Variants in HNF4G observed in about 807,000 individuals in gnomAD.
HNF4G encodes the protein hepatocyte nuclear factor 4-gamma.
HNF4G carries 21 observed loss-of-function variants against 50.9 expected under a neutral mutation model. The ratio of observed to expected loss-of-function variants is 0.41; its 90% CI spans 0.29 to 0.59. The LOEUF (loss-of-function observed/expected upper bound fraction) is 0.59, where lower values mean the gene tolerates loss of function less well. HNF4G is among the 20% of genes least tolerant of loss of function. HNF4G has a pLI of 0.26. For missense variants in HNF4G, 527 were observed against 559.4 expected (o/e 0.94, Z 0.58); for synonymous variants, 198 against 185.6 (o/e 1.07, Z -0.54).
At chr8:75,503,679 A>G (rs1273515511) in intron 2 of HNF4G, among the ~76,000 whole-genome samples, 1 of 152,206 alleles carries the variant, frequency 6.6e-6, no homozygotes, top group East Asian at 1.9e-4. Flanking sequence ...GAATTATGAA[A>G]TGATTTTTTG....
At chr8:75,463,583 T>C (rs556281957) in intron 1 of HNF4G, among the ~76,000 whole-genome samples, 1 of 152,206 alleles carries the variant, frequency 6.6e-6, no homozygotes, top group East Asian at 1.9e-4. Context: ...GAAAATAATA[T>C]GGGTAAGCAT....
chr8:75,523,800 G>A (rs954133055), intron 2 of HNF4G, among the ~76,000 whole-genome samples: 1 of 151,766 alleles, frequency 6.6e-6, no homozygotes, highest in Non-Finnish European at 1.5e-5. Context: ...GTAACACACT[G>A]ATTATAACTG....
intron 1 of HNF4G, among the ~76,000 whole-genome samples, chr8:75,450,647 G>T (rs73343035): frequency 0.015 from 2,356 of 152,170 alleles, 67 homozygotes; most frequent in African/African-American, 0.054. Flanking sequence ...AAGTGTAAGG[G>T]GATATCTCAC....
At position 75,487,518 on chromosome 8, in the gene HNF4G, A is replaced by G. The variant is rs144373471; in HGVS notation, c.-143-2571A>G. 4.0e-3 allele frequency among the ~76,000 whole-genome samples: 602 copies of G among 152,222 alleles called. 6 individuals carry two copies. The highest frequency in any genetic ancestry group is 0.014 in the African/African-American group (582 of 41,540). Reference sequence around the variant, plus strand: ...TACTATCCAATCACACTTCTCACATATCCTTTCAAACACTAATTATTTGCC... The same window carrying G: ...TACTATCCAATCACACTTCTCACATGTCCTTTCAAACACTAATTATTTGCC... On this transcript the variant is annotated intron_variant, in intron 1 of 10. Transcript: ENST00000354370.
intron 1 of HNF4G, among the ~76,000 whole-genome samples, chr8:75,431,697 G>A (rs1466332652): frequency 6.6e-6 from 1 of 151,978 alleles, no homozygotes; most frequent in Non-Finnish European, 1.5e-5. Context: ...GGAGGCTGAG[G>A]GGGGTGGATC....
chr8:75,562,296 G>C (rs530744533), intron 9 of HNF4G, among the ~76,000 whole-genome samples: 17 of 151,996 alleles, frequency 1.1e-4, no homozygotes, highest in Non-Finnish European at 2.4e-4. Flanking sequence ...AATAGTATCT[G>C]AAACCAAAAT....
At chr8:75,425,062 CTATTTATT>C (rs71271860) in intron 1 of HNF4G, among the ~76,000 whole-genome samples, 16,706 of 142,552 alleles carry the variant, frequency 0.12, 1,133 homozygotes, top group Non-Finnish European at 0.16. Flanking sequence ...TCAATGCAGC[CTATTTATT>C]TATTTATTTA....
chr8:75,505,687 C>A (rs1319364195), intron 2 of HNF4G, among the ~76,000 whole-genome samples: 21 of 146,138 alleles, frequency 1.4e-4, no homozygotes, highest in South Asian at 4.3e-4. Flanking sequence ...GCAAGATTTC[C>A]AAAAAAAAAA....
At chr8:75,489,470 A>G (rs1812570268) in intron 1 of HNF4G, among the ~76,000 whole-genome samples, 1 of 152,210 alleles carries the variant, frequency 6.6e-6, no homozygotes, top group Non-Finnish European at 1.5e-5. Context: ...GGTGTTGAAG[A>G]GCCAACCTTT....
At chr8:75,549,567 A>G (rs1366952372) in intron 3 of HNF4G, among the ~76,000 whole-genome samples, 2 of 150,500 alleles carry the variant, frequency 1.3e-5, no homozygotes, top group Non-Finnish European at 3.0e-5. Context: ...TTTTTTTCAC[A>G]AAGAAGTTTC....
At chr8:75,430,359 T>C (rs1051414127) in intron 1 of HNF4G, among the ~76,000 whole-genome samples, 1 of 152,126 alleles carries the variant, frequency 6.6e-6, no homozygotes, top group Non-Finnish European at 1.5e-5. Flanking sequence ...AAATTTAGTT[T>C]GGGCTGGCAA....
At chr8:75,413,749 T>C (rs1424568939) in intron 1 of HNF4G, among the ~76,000 whole-genome samples, 1 of 151,896 alleles carries the variant, frequency 6.6e-6, no homozygotes, top group African/African-American at 2.4e-5. Flanking sequence ...CTCAGCTACT[T>C]GGGAGGCTGA....
Position 75,410,997 on chromosome 8 carries a change from T to C in HNF4G, c.-144+2835T>C, listed in dbSNP as rs533194163. On this transcript the variant is annotated intron_variant, in intron 1 of 10. Transcript: ENST00000354370. ...ACTAGGTACTATTGTAGGCAATTTATATGCCTTTTGCTTTTTAGATTCTTA... is the reference window on the plus strand; with the variant it reads ...ACTAGGTACTATTGTAGGCAATTTACATGCCTTTTGCTTTTTAGATTCTTA... Among the ~76,000 whole-genome samples, 276 of 152,378 alleles carry C rather than the reference T, an allele frequency of 1.8e-3. 2 individuals are homozygous for C. Among genetic ancestry groups the C allele is most frequent in the African/African-American group, 6.4e-3 (266 of 41,584 alleles).
intron 1 of HNF4G, among the ~76,000 whole-genome samples, chr8:75,476,328 C>T (rs1399581814): frequency 6.6e-6 from 1 of 152,086 alleles, no homozygotes; most frequent in Non-Finnish European, 1.5e-5. Context: ...TTTCTTTACC[C>T]AATCATTCAT....
intron 1 of HNF4G, among the ~76,000 whole-genome samples, chr8:75,480,508 G>A (rs932446790): frequency 3.9e-5 from 6 of 152,182 alleles, no homozygotes; most frequent in Non-Finnish European, 7.3e-5. Context: ...CGGAGGTGAA[G>A]TAAGTCCAAC....
chr8:75,511,250 G>GAATCT (rs1345423782), intron 2 of HNF4G, among the ~76,000 whole-genome samples: 9 of 152,124 alleles, frequency 5.9e-5, no homozygotes, highest in Non-Finnish European at 1.2e-4. Context: ...CATTAGACTG[G>GAATCT]AATGCCATGT....
intron 1 of HNF4G, among the ~76,000 whole-genome samples, chr8:75,450,350 A>T (rs1417334935): frequency 6.6e-6 from 1 of 152,222 alleles, no homozygotes; most frequent in Non-Finnish European, 1.5e-5. Flanking sequence ...TATTTGATCC[A>T]ATTCCAATCA....
chr8:75,408,741 C>T (rs1810422156), intron 1 of HNF4G, among the ~76,000 whole-genome samples: 1 of 152,150 alleles, frequency 6.6e-6, no homozygotes, highest in Non-Finnish European at 1.5e-5. Flanking sequence ...AAATCTTGCT[C>T]GGAACTGAGT....
chr8:75,561,649 A>G (rs1325673446), intron 9 of HNF4G, among the ~76,000 whole-genome samples: 1 of 152,194 alleles, frequency 6.6e-6, no homozygotes. Context: ...AAGAGTTGGC[A>G]GTGGGGTCTG....
Sources: gnomAD v4.1 joint callset for allele counts (sites outside exome capture counted in the v4.1 genomes callset) on GRCh38, gnomAD v4.1.1 for gene constraint, MANE v1.5 for transcripts, NCBI Gene and HGNC (gene_info 2026-07-23, HGNC 2026-07-21) for gene names.